TOX: variants seen among roughly 807,000 people sequenced by gnomAD.
The protein encoded by TOX is thymocyte selection-associated high mobility group box protein TOX.
A neutral mutation model predicts 53.7 loss-of-function variants in TOX; 11 were observed. The ratio of observed to expected loss-of-function variants is 0.20; its 90% CI spans 0.13 to 0.34. The LOEUF is 0.34. TOX is among the 10% of genes least tolerant of loss of function. The pLI is 1.00. For synonymous variants in TOX, 225 were observed against 245.3 expected, an observed-to-expected ratio of 0.92 and a Z score of 0.77; for missense variants, 570 against 664.6, an observed-to-expected ratio of 0.86 and a Z score of 1.56.
At chr8:58,828,806 T>C (rs1281199783) in intron 5 of TOX, among the ~76,000 whole-genome samples, 1 of 152,156 alleles carries the variant, frequency 6.6e-6, no homozygotes, top group Non-Finnish European at 1.5e-5. Flanking sequence ...AAACTGACAA[T>C]GTTTACATTT....
chr8:58,903,985 C>T (rs1016043963), intron 3 of TOX, among the ~76,000 whole-genome samples: 1 of 152,082 alleles, frequency 6.6e-6, no homozygotes, highest in African/African-American at 2.4e-5. Context: ...GATGAGCAAA[C>T]ACTATTAAAA....
intron 1 of TOX, among the ~76,000 whole-genome samples, chr8:59,060,547 A>C (rs1247694693): frequency 6.6e-6 from 1 of 152,186 alleles, no homozygotes; most frequent in Non-Finnish European, 1.5e-5. Flanking sequence ...GAATTGCTTG[A>C]ACCCAGGAGG....
chr8:59,097,600 C>T (rs934573363), intron 1 of TOX, among the ~76,000 whole-genome samples: 1 of 152,156 alleles, frequency 6.6e-6, no homozygotes, highest in Non-Finnish European at 1.5e-5. Context: ...ATCTGTGGCA[C>T]ATTCTACACC....
intron 1 of TOX, among the ~76,000 whole-genome samples, chr8:59,108,455 A>C (rs1300420740): frequency 6.6e-6 from 1 of 152,174 alleles, no homozygotes; most frequent in Non-Finnish European, 1.5e-5. Context: ...TTCATAGTTC[A>C]CAACTGCGCC....
chr8:59,068,756 G>T (rs1054777634), intron 1 of TOX, among the ~76,000 whole-genome samples: 28 of 152,144 alleles, frequency 1.8e-4, no homozygotes, highest in African/African-American at 6.8e-4. Flanking sequence ...CAGGCAGGTT[G>T]ATTGTGGAGC....
chr8:59,040,844 C>T (rs533849684), intron 1 of TOX, among the ~76,000 whole-genome samples: 6 of 152,330 alleles, frequency 3.9e-5, no homozygotes, highest in Non-Finnish European at 7.3e-5. Context: ...CCCTCCCACT[C>T]CCCTCACTGG....
intron 1 of TOX, among the ~76,000 whole-genome samples, chr8:59,104,135 C>A (rs1478485204): frequency 6.6e-6 from 1 of 152,196 alleles, no homozygotes; most frequent in Non-Finnish European, 1.5e-5. Flanking sequence ...CTCTCTGGCA[C>A]ATTGTTACTA....
chr8:58,815,218 A>G (rs1810152762), intron 7 of TOX, 120 bp downstream of exon 7: 1 of 1,330,168 alleles, frequency 7.5e-7, no homozygotes, highest in African/African-American at 1.5e-5. Context: ...CTCTTGACTT[A>G]AATAGAAGGA....
chr8:59,035,591 A>T lies in TOX; in HGVS notation c.103-75583T>A, dbSNP rs187300464. Among the ~76,000 whole-genome samples the T allele has an allele frequency of 8.5e-4, 130 of 152,384 alleles. 1 individual carries two copies. In the East Asian group the frequency reaches 0.022, roughly 26 times the overall value. On this transcript the variant is annotated intron_variant, in intron 1 of 8. Transcript: ENST00000361421. ...ACAGAAGCCATGCATTTCATTGCTA[A>T]CATCTAATCTCTCAGAGCCTATAAA...
intron 2 of TOX, among the ~76,000 whole-genome samples, 193 bp from the exon 3 acceptor site, chr8:58,939,737 C>G (rs1206541165): frequency 6.6e-6 from 1 of 152,230 alleles, no homozygotes; most frequent in African/African-American, 2.4e-5. Flanking sequence ...GGCAGATCCA[C>G]TTCTCGTATA....
chr8:58,922,056 C>A (rs1382961347), intron 3 of TOX, among the ~76,000 whole-genome samples: 1 of 152,134 alleles, frequency 6.6e-6, no homozygotes, highest in Non-Finnish European at 1.5e-5. Context: ...CGTGGCCTGA[C>A]AATAGCTAAG....
chr8:58,838,371 A>C (rs1223674031), intron 4 of TOX, 60 bp from the exon 5 acceptor site: 1 of 1,434,154 alleles, frequency 7.0e-7, no homozygotes, highest in Non-Finnish European at 9.7e-7. Flanking sequence ...GACAAGACAT[A>C]TCGTTGTTTT....
chr8:58,950,779 T>A (rs1025172404), intron 2 of TOX, among the ~76,000 whole-genome samples: 10 of 151,640 alleles, frequency 6.6e-5, no homozygotes, highest in African/African-American at 2.4e-4. Flanking sequence ...GGGAAAAGAG[T>A]CCTGGACTTG....
rs1244299497 is a variant in TOX at position 58,998,525 on chromosome 8, AT to A, written c.103-38518del. ...TATATATATATATATATATATATAT[AT>A]ATATATATATATAAATTTATATATA... is the stretch of plus-strand genomic sequence containing the variant. On this transcript the variant is annotated intron_variant, in intron 1 of 8. Transcript: ENST00000361421. Among the ~76,000 whole-genome samples, 149 of 58,800 alleles carry A rather than the reference AT, an allele frequency of 2.5e-3. 3 individuals carry two copies. The South Asian group carries it at 0.028, about 11-fold the overall frequency. The allele number at this position is 58,800 out of a possible 152,430, so 38.6% of individuals were successfully genotyped here. A position where few individuals can be genotyped will look rare whatever the true frequency, so the allele number is the denominator to read the frequency against.
intron 1 of TOX, among the ~76,000 whole-genome samples, chr8:59,046,627 G>A (rs968044316): frequency 9.2e-5 from 14 of 152,168 alleles, no homozygotes; most frequent in Admixed American, 6.5e-5. Context: ...AGAGGCCAAA[G>A]TGGGTGGATC....
chr8:59,075,042 G>A (rs574250943), intron 1 of TOX, among the ~76,000 whole-genome samples: 19 of 152,172 alleles, frequency 1.2e-4, no homozygotes, highest in Non-Finnish European at 2.5e-4. Flanking sequence ...AAATGGGAAC[G>A]CAGATGTAAT....
chr8:58,964,219 G>C (rs1013667175), intron 1 of TOX, among the ~76,000 whole-genome samples: 4 of 152,234 alleles, frequency 2.6e-5, no homozygotes, highest in South Asian at 4.1e-4. Flanking sequence ...ATATAGACTG[G>C]TCAGGAATCA....
chr8:59,040,206 G>A (rs1427104045), intron 1 of TOX, among the ~76,000 whole-genome samples: 2 of 150,696 alleles, frequency 1.3e-5, no homozygotes, highest in Admixed American at 6.6e-5. Context: ...GCGGGCGCCT[G>A]TAGTCCCAGC....
intron 1 of TOX, among the ~76,000 whole-genome samples, chr8:58,991,261 T>C (rs1272975306): frequency 6.6e-6 from 1 of 152,174 alleles, no homozygotes. Context: ...TTAGTGAAGC[T>C]GAAGGGATCT....
Sources: allele counts gnomAD v4.1 joint callset (sites outside exome capture counted in the v4.1 genomes callset), GRCh38; gene constraint gnomAD v4.1.1; transcripts MANE v1.5; gene names NCBI Gene and HGNC (gene_info 2026-07-23, HGNC 2026-07-21).